The following OR1B1 variants were observed in gnomAD, a reference collection of about 807,000 sequenced individuals.
OR1B1 encodes the protein olfactory receptor family 1 subfamily B member 1, also known as olfactory receptor 1B1.
For synonymous variants in OR1B1, 168 were observed against 156.2 expected, an observed-to-expected ratio of 1.08 and a Z score of -0.57; for missense variants, 414 against 402.1, an observed-to-expected ratio of 1.03 and a Z score of -0.25.
At chr9:122,628,444 A>G (rs1416381382), downstream of OR1B1, 2 of 655,304 alleles carry the variant, frequency 3.1e-6, no homozygotes, top group Non-Finnish European at 5.5e-6. Context: ...TCAAAGCACA[A>G]CATTGACAAG....
chr9:122,632,483 C>T (rs1172128918), upstream of OR1B1, among the ~76,000 whole-genome samples: 1 of 152,072 alleles, frequency 6.6e-6, no homozygotes, highest in Non-Finnish European at 1.5e-5. Context: ...AGAGTAAGTT[C>T]TTTAGTGGTG....
chr9:122,650,749 C>T, the OR1B1 span, among the ~76,000 whole-genome samples: 2 of 152,020 alleles, frequency 1.3e-5, no homozygotes, highest in African/African-American at 2.4e-5. Flanking sequence ...CCCAGCCGGG[C>T]GCGGTGGCTC....
upstream of OR1B1, among the ~76,000 whole-genome samples, chr9:122,630,585 A>T (rs140322007): frequency 6.6e-6 from 1 of 152,284 alleles, no homozygotes; most frequent in Non-Finnish European, 1.5e-5. Flanking sequence ...TCCTTGTTTA[A>T]ATAGTCAGGG....
chr9:122,646,273 A>T, the OR1B1 span, among the ~76,000 whole-genome samples: 5 of 152,144 alleles, frequency 3.3e-5, no homozygotes, highest in African/African-American at 7.2e-5. Flanking sequence ...GACAAGAAGG[A>T]AGGAAAAAAA....
At chr9:122,637,820 A>C in the OR1B1 span, among the ~76,000 whole-genome samples, 1 of 152,242 alleles carries the variant, frequency 6.6e-6, no homozygotes, top group Non-Finnish European at 1.5e-5. Flanking sequence ...TGTGGCTAAA[A>C]AATGGATATA....
upstream of OR1B1, among the ~76,000 whole-genome samples, chr9:122,632,789 G>C (rs12340147): frequency 0.22 from 32,847 of 152,092 alleles, 3,775 homozygotes; most frequent in South Asian, 0.4. Flanking sequence ...GTTTGTATTA[G>C]TTTGTTTTCA....
chr9:122,634,162 C>T (rs1830232951), upstream of OR1B1, among the ~76,000 whole-genome samples: 1 of 151,630 alleles, frequency 6.6e-6, no homozygotes, highest in African/African-American at 2.4e-5. Flanking sequence ...CGTGGAGAAA[C>T]CCCGTCCTTA....
At chr9:122,650,033 G>A in the OR1B1 span, among the ~76,000 whole-genome samples, 2 of 151,890 alleles carry the variant, frequency 1.3e-5, no homozygotes, top group African/African-American at 4.8e-5. Context: ...TAAAGAAAAT[G>A]TGGCACATAT....
chr9:122,628,520 C>G (rs80319285), downstream of OR1B1: 63,035 of 1,169,896 alleles, frequency 0.054, 2,263 homozygotes, highest in South Asian at 0.14. Context: ...AAAACCAACT[C>G]TGCTCAGAAT....
chr9:122,650,749 C>G, the OR1B1 span, among the ~76,000 whole-genome samples: 3 of 152,022 alleles, frequency 2.0e-5, no homozygotes, highest in Non-Finnish European at 2.9e-5. Flanking sequence ...CCCAGCCGGG[C>G]GCGGTGGCTC....
the OR1B1 span, among the ~76,000 whole-genome samples, chr9:122,655,247 C>A: frequency 6.6e-6 from 1 of 152,150 alleles, no homozygotes; most frequent in African/African-American, 2.4e-5. Context: ...ACAGCATCCA[C>A]CTTTAACTAA....
the OR1B1 span, among the ~76,000 whole-genome samples, chr9:122,648,059 AAAAAAATAC>A: frequency 6.6e-6 from 1 of 152,124 alleles, no homozygotes; most frequent in Non-Finnish European, 1.5e-5. Context: ...TTATTCCTTA[AAAAAAATAC>A]AGATCAATGT....
the OR1B1 span, among the ~76,000 whole-genome samples, chr9:122,657,024 AT>A: frequency 1.3e-5 from 2 of 151,710 alleles, no homozygotes; most frequent in Non-Finnish European, 2.9e-5. Context: ...TTCTAGTTTA[AT>A]TTTTTTTCAT....
the OR1B1 span, among the ~76,000 whole-genome samples, chr9:122,634,657 C>T: frequency 6.6e-5 from 10 of 152,130 alleles, no homozygotes; most frequent in African/African-American, 2.4e-4. Flanking sequence ...CCTCCCTTGA[C>T]ATGTGGTGAT....
chr9:122,634,493 A>C (rs1157017613), upstream of OR1B1, among the ~76,000 whole-genome samples: 1 of 152,142 alleles, frequency 6.6e-6, no homozygotes, highest in East Asian at 1.9e-4. Context: ...TGGAGGGCAA[A>C]GGAGAAGCAA....
chr9:122,646,636 C>T, the OR1B1 span, among the ~76,000 whole-genome samples: 27 of 151,882 alleles, frequency 1.8e-4, no homozygotes, highest in Admixed American at 8.5e-4. Context: ...ATAAAAGGAT[C>T]AATTCAGCAA....
At chr9:122,649,478 G>C in the OR1B1 span, among the ~76,000 whole-genome samples, 1 of 152,066 alleles carries the variant, frequency 6.6e-6, no homozygotes, top group Non-Finnish European at 1.5e-5. Flanking sequence ...CTACAGAATG[G>C]GAGAAAAATT....
upstream of OR1B1, among the ~76,000 whole-genome samples, chr9:122,631,367 C>T (rs1464120549): frequency 7.9e-5 from 12 of 151,604 alleles, no homozygotes; most frequent in Non-Finnish European, 1.8e-4. Context: ...TTAGTAGAGA[C>T]GGGGTTTCAC....
At chr9:122,646,124 T>C in the OR1B1 span, among the ~76,000 whole-genome samples, 3,383 of 152,212 alleles carry the variant, frequency 0.022, 129 homozygotes, top group African/African-American at 0.078. Flanking sequence ...TTGTCATCAG[T>C]TTAAAATGAT....
Sources: gnomAD v4.1 joint callset for allele counts (sites outside exome capture counted in the v4.1 genomes callset) on GRCh38, gnomAD v4.1.1 for gene constraint, MANE v1.5 for transcripts, NCBI Gene and HGNC (gene_info 2026-07-23, HGNC 2026-07-21) for gene names.